DTX4: variants seen among roughly 807,000 people sequenced by gnomAD.
DTX4 encodes deltex E3 ubiquitin ligase 4.
Under a neutral mutation model 57.6 loss-of-function variants are expected in DTX4, and 28 were observed. That is an observed-to-expected ratio of 0.49 (90% CI 0.36 to 0.67). The LOEUF (loss-of-function observed/expected upper bound fraction) is 0.67. DTX4 is among the 30% of genes least tolerant of loss of function. DTX4 has a pLI of 0.00. For synonymous variants in DTX4, 316 were observed against 331.0 expected (o/e 0.95, Z 0.49); for missense variants, 715 against 836.8 (o/e 0.85, Z 1.80).
chr11:59,199,842 G>T, intron 8 of DTX4, 69 bp downstream of exon 8: 1 of 1,364,224 alleles, frequency 7.3e-7, no homozygotes, highest in Admixed American at 2.1e-5. Context: ...CTATGTCAAG[G>T]CCTAAAGTTT....
Position 59,181,995 on chromosome 11 carries a change from C to A in DTX4, c.468C>A (p.Arg156=), listed in dbSNP as rs1263350791. 2 of 1,613,956 alleles carry A rather than the reference C, an allele frequency of 1.2e-6. No individual in the cohort carries two copies. Among genetic ancestry groups the A allele is most frequent in the Admixed American group, 1.7e-5 (1 of 60,024 alleles). The part of the protein sequence containing the change: ...QTQRQRRVRR[R]LDLIYPMVTG... ...AGCGCCAACGCCGCGTCCGCCGGCGCCTCGACCTCATCTACCCCATGGTCA... is the reference window on the plus strand; with the variant it reads ...AGCGCCAACGCCGCGTCCGCCGGCGACTCGACCTCATCTACCCCATGGTCA... The change falls in exon 2 of 9, where the codon CGC becomes CGA. Residue 156 remains arginine (R), a synonymous_variant. Transcript: ENST00000227451.
chr11:59,203,739 A>G (rs1004821118), intron 8 of DTX4, among the ~76,000 whole-genome samples: 1 of 152,224 alleles, frequency 6.6e-6, no homozygotes, highest in African/African-American at 2.4e-5. Flanking sequence ...TCACCATTGC[A>G]TATGTGTTCA....
In DTX4 at chr11:59,181,845, C is replaced by A; in HGVS notation, c.318C>A (p.Asp106Glu). The A allele has an allele frequency of 6.2e-7, 1 of 1,613,982 alleles. No homozygotes were observed. The highest frequency in any genetic ancestry group is 1.6e-4 in the Middle Eastern group (1 of 6,062). Residue 106 changes from aspartate (D) to glutamate (E), a missense_variant, in exon 2 of 9, where the codon GAC (aspartate) becomes GAA (glutamate). By Grantham distance (45) the Asp-to-Glu change is conservative. Coordinates refer to ENST00000227451, the MANE Select transcript of DTX4 (RefSeq NM_015177.2). ...ACAATGGCTCCTGGACGCCCTACGA[C>A]ATGGAAGTGGGCATCACCATCCAGC... ...ENDNGSWTPY[D>E]MEVGITIQHA...
chr11:59,193,423 T>C (rs553662112), intron 6 of DTX4, among the ~76,000 whole-genome samples: 1 of 152,322 alleles, frequency 6.6e-6, no homozygotes, highest in East Asian at 1.9e-4. Context: ...GACATGCTTA[T>C]AGTGGTGGTC....
At chr11:59,194,754 G>T (rs949715702) in intron 6 of DTX4, 23 of 186,100 alleles carry the variant, frequency 1.2e-4, no homozygotes, top group Non-Finnish European at 2.5e-4. Flanking sequence ...ATGCTTTGCA[G>T]CTTCCCAGTT....
rs887633715 is a variant in DTX4, at chr11:59,189,076, G to A, written c.998-86G>A. 1.5e-5 allele frequency: 22 copies of A among 1,492,842 alleles called. No individual in the cohort carries two copies. In the African/African-American group the frequency reaches 3.0e-4, roughly 21 times the overall value. The allele number at this position is 1,492,842 out of a possible 1,614,324, so 92.5% of individuals were successfully genotyped here. The stretch of plus-strand genomic sequence containing the variant: ...GAGAACTTTCTGCTGGAAAGGAGGA[G>A]AGTAGGTTAATGGGGAAAGAGGAAT... On this transcript the variant is annotated intron_variant, in intron 3 of 8. Coordinates refer to ENST00000227451, the MANE Select transcript of DTX4 (RefSeq NM_015177.2).
In DTX4 at chr11:59,206,509, GTA is replaced by G. The variant is rs3837398; in HGVS notation, c.*1620_*1621del. The stretch of plus-strand genomic sequence containing the variant: ...ATACCTCATGTTTTGGGGGTTTGAC[GTA>G]TATATATATATATATATATGCATAT... On this transcript the variant is annotated 3_prime_UTR_variant, in exon 9 of 9. Transcript: ENST00000227451. 0.11 allele frequency: 15,277 copies of G among 142,180 alleles called. 1,006 individuals carry two copies. The highest frequency in any genetic ancestry group is 0.3 in the East Asian group (1,397 of 4,702). The allele number at this position is 142,180 out of a possible 1,614,324, so 8.8% of individuals were successfully genotyped here. A position where few individuals can be genotyped will look rare whatever the true frequency, so the allele number is the denominator to read the frequency against.
At chr11:59,174,268 G>A (rs1340516124) in intron 1 of DTX4, among the ~76,000 whole-genome samples, 1 of 152,032 alleles carries the variant, frequency 6.6e-6, no homozygotes, top group Non-Finnish European at 1.5e-5. Flanking sequence ...ACTGGGAGGA[G>A]CAGAGAATAG....
Position 59,180,679 on chromosome 11 carries a change from C to T in DTX4, c.212-1060C>T, listed in dbSNP as rs77517077. ...TAGACATCTTTAGCCTTAATGTTGA[C>T]ACCATGAAATGAGCCCTGGTTGAGG... On this transcript the variant is annotated intron_variant, in intron 1 of 8. Coordinates refer to ENST00000227451, the MANE Select transcript of DTX4 (RefSeq NM_015177.2). 9.8e-3 allele frequency among the ~76,000 whole-genome samples: 1,488 copies of T among 152,294 alleles called. 25 individuals carry two copies. Among genetic ancestry groups the T allele is most frequent in the South Asian group, 0.038 (184 of 4,830 alleles).
intron 6 of DTX4, among the ~76,000 whole-genome samples, chr11:59,193,797 A>G (rs1862628927): frequency 6.6e-6 from 1 of 152,248 alleles, no homozygotes; most frequent in African/African-American, 2.4e-5. Context: ...ACCTGGTTTC[A>G]GAGAATAGTC....
chr11:59,206,223 G>T lies in DTX4; in HGVS notation c.*1314G>T, dbSNP rs1156647788. 6.6e-6 allele frequency: 1 copy of T among 152,384 alleles called. No homozygotes were observed. The highest frequency in any genetic ancestry group is 1.5e-5 in the Non-Finnish European group (1 of 68,052). 9.4% of individuals were successfully genotyped at this position (152,384 alleles called of 1,614,324 possible). A position where few individuals can be genotyped will look rare whatever the true frequency, so the allele number is the denominator to read the frequency against. On this transcript the variant is annotated 3_prime_UTR_variant, in exon 9 of 9. Coordinates refer to ENST00000227451, the MANE Select transcript of DTX4 (RefSeq NM_015177.2). ...CTCATCTATTATAGATTGACTTACA[G>T]CAGGGAGAGAATCTCTTTAGCTCAT...
rs901007800 is a variant in DTX4 at position 59,206,930 on chromosome 11, C to T, written c.*2021C>T. On this transcript the variant is annotated 3_prime_UTR_variant, in exon 9 of 9. Transcript: ENST00000227451. ...GGAGACTGGTCCCAAGGTTACTGCA[C>T]CACAGGGCAATTTCCTGCCATAGTT... 1 of 152,516 alleles carries T rather than the reference C, an allele frequency of 6.6e-6. No individual in the cohort carries two copies. The highest frequency in any genetic ancestry group is 1.5e-5 in the Non-Finnish European group (1 of 68,044). The allele number at this position is 152,516 out of a possible 1,614,324, so 9.4% of individuals were successfully genotyped here. A position where few individuals can be genotyped will look rare whatever the true frequency, so the allele number is the denominator to read the frequency against.
chr11:59,179,100 A>G (rs1014263342), intron 1 of DTX4, among the ~76,000 whole-genome samples: 3 of 152,316 alleles, frequency 2.0e-5, no homozygotes, highest in Middle Eastern at 3.4e-3. Flanking sequence ...TTAATTGCAC[A>G]GTCCCTGCCA....
intron 8 of DTX4, among the ~76,000 whole-genome samples, chr11:59,200,421 C>G (rs1222901268): frequency 1.3e-5 from 2 of 152,134 alleles, no homozygotes; most frequent in Non-Finnish European, 2.9e-5. Context: ...GTCTAGAGCC[C>G]TGCTGCTTAA....
Position 59,172,742 on chromosome 11 carries a change from G to A in DTX4, c.147G>A (p.Val49=), listed in dbSNP as rs755632403. The A allele has an allele frequency of 2.5e-6, 4 of 1,604,344 alleles. No individual in the cohort carries two copies. Among genetic ancestry groups the A allele is most frequent in the Admixed American group, 1.7e-5 (1 of 59,210 alleles). Residue 49 remains valine (V), a synonymous_variant, in exon 1 of 9, where the codon GTG becomes GTA. Coordinates refer to ENST00000227451, the MANE Select transcript of DTX4 (RefSeq NM_015177.2). The part of the protein sequence containing the change: ...RAGGSVVLGQ[V]DSRLAPYIID... ...GGGGCAGCGTGGTGCTGGGCCAGGT[G>A]GACAGCCGTCTCGCGCCCTACATCA...
At chr11:59,199,081 AAAAC>A (rs965356942) in intron 7 of DTX4, among the ~76,000 whole-genome samples, 3 of 152,344 alleles carry the variant, frequency 2.0e-5, no homozygotes, top group South Asian at 2.1e-4. Flanking sequence ...GTTAAAGAAG[AAAAC>A]AAACAAAAAC....
At chr11:59,203,361 A>G (rs1486332695) in intron 8 of DTX4, among the ~76,000 whole-genome samples, 1 of 151,984 alleles carries the variant, frequency 6.6e-6, no homozygotes, top group Admixed American at 6.6e-5. Flanking sequence ...TCCTTATTCT[A>G]TAAGCTTGTT....
At chr11:59,179,352 A>T (rs1862432218) in intron 1 of DTX4, among the ~76,000 whole-genome samples, 1 of 152,220 alleles carries the variant, frequency 6.6e-6, no homozygotes, top group Non-Finnish European at 1.5e-5. Flanking sequence ...AGGCTGAAAG[A>T]CTGGACTGCT....
intron 8 of DTX4, among the ~76,000 whole-genome samples, chr11:59,201,858 C>T (rs1469917141): frequency 6.6e-6 from 1 of 152,150 alleles, no homozygotes; most frequent in Admixed American, 6.5e-5. Flanking sequence ...TCTTCCAGGC[C>T]TCCCTCTTTA....
Sources: gnomAD v4.1 joint callset for allele counts (sites outside exome capture counted in the v4.1 genomes callset) on GRCh38, gnomAD v4.1.1 for gene constraint, MANE v1.5 for transcripts, NCBI Gene and HGNC (gene_info 2026-07-23, HGNC 2026-07-21) for gene names.